The following KNDC1 variants were observed in gnomAD, a reference collection of about 807,000 sequenced individuals.
KNDC1 encodes the protein kinase non-catalytic C-lobe domain containing 1, also known as kinase non-catalytic C-lobe domain-containing protein 1.
A neutral mutation model predicts 172.8 loss-of-function variants in KNDC1; 106 were observed. The observed-to-expected ratio is 0.61, with a 90% CI of 0.52 to 0.72. The LOEUF (loss-of-function observed/expected upper bound fraction) is 0.72. Ranked by LOEUF, KNDC1 falls within the 30% of genes least tolerant of loss-of-function variation. The pLI, the probability that KNDC1 is intolerant of heterozygous loss-of-function variation, is 0.00. For missense variants in KNDC1, 2,325 were observed against 2,394.5 expected, an observed-to-expected ratio of 0.97 and a Z score of 0.61; for synonymous variants, 1,083 against 1,062.2, an observed-to-expected ratio of 1.02 and a Z score of -0.38.
At chr10:133,210,072 A>C (rs981183152) in intron 20 of KNDC1, among the ~76,000 whole-genome samples, 7 of 152,124 alleles carry the variant, frequency 4.6e-5, no homozygotes, top group Non-Finnish European at 1.0e-4. Context: ...AAAGCCCTGC[A>C]TAGGGCTGCG....
At chr10:133,206,828 G>GC (rs1845208826) in intron 18 of KNDC1, 28 bp from the exon 19 acceptor site, 7 of 1,613,084 alleles carry the variant, frequency 4.3e-6, no homozygotes, top group Non-Finnish European at 5.9e-6. Flanking sequence ...AGGCAGCCCG[G>GC]CCCCCACCCA....
intron 3 of KNDC1, among the ~76,000 whole-genome samples, chr10:133,177,132 C>A (rs1459151733): frequency 6.6e-6 from 1 of 152,078 alleles, no homozygotes; most frequent in African/African-American, 2.4e-5. Flanking sequence ...TATCCATGTC[C>A]ATGTCCAATT....
At chr10:133,197,824 C>A in intron 12 of KNDC1, 56 bp downstream of exon 12, 3 of 1,257,896 alleles carry the variant, frequency 2.4e-6, no homozygotes, top group Non-Finnish European at 3.5e-6. Flanking sequence ...GACACCACAG[C>A]TGCCCCCACC....
chr10:133,196,557 C>T (rs1208860736), intron 10 of KNDC1, among the ~76,000 whole-genome samples: 4 of 152,202 alleles, frequency 2.6e-5, no homozygotes, highest in Non-Finnish European at 5.9e-5. Context: ...GGGCGGGTTG[C>T]TCAGACCCTG....
intron 1 of KNDC1, among the ~76,000 whole-genome samples, chr10:133,165,495 G>T (rs1564870636): frequency 6.6e-6 from 1 of 152,204 alleles, no homozygotes; most frequent in Non-Finnish European, 1.5e-5. Context: ...ACGGGGACCG[G>T]CTGAGACGCG....
chr10:133,180,350 T>C (rs1225171839), intron 3 of KNDC1, among the ~76,000 whole-genome samples: 1 of 152,208 alleles, frequency 6.6e-6, no homozygotes, highest in East Asian at 1.9e-4. Context: ...CTGCGTCCTC[T>C]GGGCTCCAAG....
intron 2 of KNDC1, among the ~76,000 whole-genome samples, 177 bp downstream of exon 2, chr10:133,167,756 C>T (rs138774550): frequency 1.4e-4 from 22 of 152,308 alleles, no homozygotes; most frequent in African/African-American, 4.8e-4. Context: ...GGCCGAGGGT[C>T]CGTGGGGGTG....
In KNDC1 at chr10:133,163,551, A is replaced by T. The variant is rs1853046396; in HGVS notation, c.102+2982A>T. On this transcript the variant is annotated intron_variant, in intron 1 of 29. Transcript: ENST00000304613. This position sits in a 1 kb window ranked among gnomAD's most constrained non-coding sequence, Gnocchi z 4.4. ...AAGAGAGCTGTCAGGAGGCCTGGGG[A>T]TTGGCAGCCAGTGCTCCCAGCTGTG... is the stretch of plus-strand genomic sequence containing the variant. 6.6e-6 allele frequency among the ~76,000 whole-genome samples: 1 copy of T among 152,072 alleles called. No homozygotes were observed. The highest frequency in any genetic ancestry group is 1.5e-5 in the Non-Finnish European group (1 of 67,998).
intron 1 of KNDC1, among the ~76,000 whole-genome samples, chr10:133,161,288 C>T (rs553197063): frequency 6.6e-6 from 1 of 152,254 alleles, no homozygotes; most frequent in South Asian, 2.1e-4. Context: ...CCCAGAGGGA[C>T]CCTCACCCTC....
chr10:133,167,123 C>T lies in KNDC1; in HGVS notation c.103-258C>T, dbSNP rs568623379. Reference sequence around the variant, plus strand: ...GGCCGAGCCTCCGGGAGGAAGGCCCCGTGCCCAGGCTCCAGGAGCCGACAC... The same window carrying T: ...GGCCGAGCCTCCGGGAGGAAGGCCCTGTGCCCAGGCTCCAGGAGCCGACAC... On this transcript the variant is annotated intron_variant, in intron 1 of 29. Coordinates refer to ENST00000304613, the MANE Select transcript of KNDC1 (RefSeq NM_152643.8). 20 of 532,950 alleles carry T rather than the reference C, an allele frequency of 3.8e-5. 1 individual carries two copies. Among genetic ancestry groups the T allele is most frequent in the South Asian group, 2.0e-4 (9 of 44,992 alleles). The allele number at this position is 532,950 out of a possible 1,614,324, so 33.0% of individuals were successfully genotyped here. A position where few individuals can be genotyped will look rare whatever the true frequency, so the allele number is the denominator to read the frequency against.
intron 3 of KNDC1, among the ~76,000 whole-genome samples, chr10:133,171,230 T>C (rs1853368394): frequency 6.6e-6 from 1 of 152,228 alleles, no homozygotes; most frequent in Admixed American, 6.5e-5. Context: ...CTCAGGAATG[T>C]GATGTTTTTT....
chr10:133,197,815 A>G (rs1215166699), intron 12 of KNDC1, 47 bp downstream of exon 12: 1 of 1,347,492 alleles, frequency 7.4e-7, no homozygotes, highest in Non-Finnish European at 1.1e-6. Context: ...CCTGCACCTG[A>G]CACCACAGCT....
rs1420389863 is a variant in KNDC1 at position 133,168,303 on chromosome 10, C to A, written c.351C>A (p.Asn117Lys). The A allele has an allele frequency of 5.6e-6, 9 of 1,614,042 alleles. No individual in the cohort carries two copies. Among genetic ancestry groups the A allele is most frequent in the Non-Finnish European group, 7.6e-6 (9 of 1,179,998 alleles). The change falls in exon 3 of 30, where the codon AAC (asparagine) becomes AAA (lysine). Residue 117 changes from asparagine to lysine, a missense_variant. Transcript: ENST00000304613. ...FVPPEFDVTG[N>K]TFEAHIYSLG... The stretch of plus-strand genomic sequence containing the variant: ...CCCCCGAGTTCGACGTGACCGGGAA[C>A]ACCTTTGAGGTAAGTGCAGGTGGGG...
At chr10:133,201,977 A>T in intron 17 of KNDC1, 79 bp downstream of exon 17, 1 of 1,438,504 alleles carries the variant, frequency 7.0e-7, no homozygotes, top group Non-Finnish European at 9.4e-7. Context: ...TGCAGGTGAC[A>T]GATGGCACCG....
rs1845682100 is a variant in KNDC1 at position 133,224,585 on chromosome 10, GGGGGGACTCCCTCCCCAC to G, written c.5019-71_5019-54del. On this transcript the variant is annotated intron_variant, in intron 29 of 29. Transcript: ENST00000304613. This position sits in a 1 kb window ranked among gnomAD's most constrained non-coding sequence, Gnocchi z 5.4. ...TAGTCCAAATGATTCCTAAGAACGC[GGGGGGACTCCCTCCCCAC>G]GGAAGCCGCGCCCCTGCCCTGTGCA... is the stretch of plus-strand genomic sequence containing the variant. 4.8e-6 allele frequency: 5 copies of G among 1,043,924 alleles called. 1 individual carries two copies. The East Asian group carries it at 1.2e-4, about 25-fold the overall frequency. The allele number at this position is 1,043,924 out of a possible 1,614,324, so 64.7% of individuals were successfully genotyped here.
chr10:133,212,118 A>ACACGTGCACACG (rs1262088248), intron 23 of KNDC1, among the ~76,000 whole-genome samples: 4 of 151,306 alleles, frequency 2.6e-5, no homozygotes, highest in Non-Finnish European at 4.4e-5. Context: ...CACTCAATCC[A>ACACGTGCACACG]CACGTGCACA....
intron 29 of KNDC1, among the ~76,000 whole-genome samples, chr10:133,222,231 C>G (rs375200731): frequency 2.8e-5 from 4 of 140,480 alleles, no homozygotes; most frequent in African/African-American, 5.3e-5. Context: ...TCCAGTGAGC[C>G]GAGATCGCGC....
At chr10:133,207,104 G>A (rs1422600998) in intron 19 of KNDC1, 33 bp from the exon 20 acceptor site, 1 of 1,560,446 alleles carries the variant, frequency 6.4e-7, no homozygotes, top group Admixed American at 1.9e-5. Flanking sequence ...GCGAGGGGCA[G>A]AGTGACCAAG....
At chr10:133,217,636 C>T (rs1845495020) in intron 26 of KNDC1, among the ~76,000 whole-genome samples, 1 of 152,192 alleles carries the variant, frequency 6.6e-6, no homozygotes, top group South Asian at 2.1e-4. Context: ...GTCAGGAGTT[C>T]GAGACCAGCC....
Sources: gnomAD v4.1 joint callset for allele counts (sites outside exome capture counted in the v4.1 genomes callset) on GRCh38, gnomAD v4.1.1 for gene constraint, Gnocchi (gnomAD v3.1) non-coding constraint, MANE v1.5 for transcripts, NCBI Gene and HGNC (gene_info 2026-07-23, HGNC 2026-07-21) for gene names.